MYT1L: variants seen among roughly 807,000 people sequenced by gnomAD.
MYT1L encodes the protein myelin transcription factor 1-like protein.
In MYT1L, 12 loss-of-function variants were observed where a neutral mutation model predicts 126.7. That is an observed-to-expected ratio of 0.09 (90% CI 0.06 to 0.15). The LOEUF is 0.15. Ranked by LOEUF, MYT1L falls within the 10% of genes least tolerant of loss-of-function variation. MYT1L has a pLI of 1.00. For missense variants in MYT1L, 979 were observed against 1,585.2 expected (o/e 0.62, Z 6.49); for synonymous variants, 541 against 604.2 (o/e 0.90, Z 1.53).
intron 4 of MYT1L, among the ~76,000 whole-genome samples, chr2:2,046,409 C>T (rs1322553883): frequency 6.6e-6 from 1 of 152,180 alleles, no homozygotes; most frequent in African/African-American, 2.4e-5. Context: ...TTTCACCAGT[C>T]TCCTATGGAT....
chr2:2,123,582 C>T (rs1017559183), intron 3 of MYT1L, among the ~76,000 whole-genome samples: 13 of 152,212 alleles, frequency 8.5e-5, no homozygotes, highest in African/African-American at 3.1e-4. Context: ...CTTCCTCCTG[C>T]TCTGGCCTTA....
intron 3 of MYT1L, among the ~76,000 whole-genome samples, chr2:2,137,811 A>ATGGTAACAAAAGCCACAAT (rs527504753): frequency 2.3e-3 from 349 of 152,322 alleles, no homozygotes; most frequent in African/African-American, 8.0e-3. Flanking sequence ...ACCAAAAGCA[A>ATGGTAACAAAAGCCACAAT]TGGTAACAAA....
intron 22 of MYT1L, among the ~76,000 whole-genome samples, chr2:1,804,896 T>C (rs1218857123): frequency 2.0e-5 from 3 of 152,102 alleles, no homozygotes; most frequent in Non-Finnish European, 4.4e-5. Context: ...TCTGCTGTGA[T>C]AGTAAAAGGA....
Position 1,914,728 on chromosome 2 carries a change from A to G in MYT1L, c.1618+2477T>C, listed in dbSNP as rs533829612. Among the ~76,000 whole-genome samples the G allele has an allele frequency of 2.6e-5, 4 of 152,208 alleles. No individual in the cohort carries two copies. In the East Asian group the frequency reaches 7.7e-4, roughly 29 times the overall value. ...GTTCACCGAGGCTATAATCCCTGGC[A>G]TCCTCTTGGTCTCCCCTCTTCTCTT... On this transcript the variant is annotated intron_variant, in intron 11 of 24. Transcript: ENST00000647738.
At chr2:1,825,663 A>G (rs2039207860) in intron 21 of MYT1L, 1 of 152,150 alleles carries the variant, frequency 6.6e-6, no homozygotes, top group Non-Finnish European at 1.5e-5. Flanking sequence ...GAATGATCCT[A>G]TTTGTTTGTA....
chr2:2,062,636 A>G (rs1294121048), intron 3 of MYT1L, among the ~76,000 whole-genome samples: 1 of 152,192 alleles, frequency 6.6e-6, no homozygotes, highest in Admixed American at 6.5e-5. Context: ...GAGATTTTTA[A>G]TGATTCCTCA....
At chr2:2,122,872 T>TGTGTGAGAGAGAGA (rs553951630) in intron 3 of MYT1L, among the ~76,000 whole-genome samples, 3 of 132,992 alleles carry the variant, frequency 2.3e-5, no homozygotes, top group African/African-American at 8.9e-5. Flanking sequence ...TGTGTGTGTG[T>TGTGTGAGAGAGAGA]GAGAGAGAGA....
At chr2:2,303,061 A>G (rs1244435357) in intron 1 of MYT1L, among the ~76,000 whole-genome samples, 3 of 152,190 alleles carry the variant, frequency 2.0e-5, no homozygotes, top group African/African-American at 7.2e-5. Context: ...TTCTAGGTTA[A>G]AAATGGGAAA....
At chr2:1,932,631 CAA>C (rs1011370565) in intron 9 of MYT1L, among the ~76,000 whole-genome samples, 18 of 152,218 alleles carry the variant, frequency 1.2e-4, no homozygotes, top group Middle Eastern at 3.4e-3. Context: ...GAAGCAAAAT[CAA>C]AAGACAACGG....
chr2:1,976,849 C>A (rs1371085917), intron 8 of MYT1L, among the ~76,000 whole-genome samples: 2 of 152,162 alleles, frequency 1.3e-5, no homozygotes, highest in African/African-American at 4.8e-5. Flanking sequence ...AGAAGGCTCA[C>A]ACAGTGACAA....
intron 3 of MYT1L, among the ~76,000 whole-genome samples, chr2:2,157,202 ATC>A (rs2086874537): frequency 6.6e-6 from 1 of 152,240 alleles, no homozygotes; most frequent in Non-Finnish European, 1.5e-5. Context: ...TTTAAGTTTT[ATC>A]TCAGCCTGTA....
chr2:2,121,421 C>T (rs757324747), intron 3 of MYT1L, among the ~76,000 whole-genome samples: 1 of 151,964 alleles, frequency 6.6e-6, no homozygotes, highest in African/African-American at 2.4e-5. Context: ...GTGATCCGCC[C>T]GCCTAGGCCA....
Position 1,792,022 on chromosome 2 carries a change from ATAG to A in MYT1L, c.3421-18_3421-16del, listed in dbSNP as rs1335548897. On this transcript the variant is annotated splice_polypyrimidine_tract_variant and intron_variant, in intron 24 of 24. Transcript: ENST00000647738. ...TTGATTGGATCCTACGAGATATTAAATAGTAGTTCATATACAACTTTTATTTTC... is the reference window on the plus strand; with the variant it reads ...TTGATTGGATCCTACGAGATATTAAATAGTTCATATACAACTTTTATTTTC... 2 of 1,538,768 alleles carry A rather than the reference ATAG, an allele frequency of 1.3e-6. No homozygotes were observed. Among genetic ancestry groups the A allele is most frequent in the Non-Finnish European group, 1.8e-6 (2 of 1,138,388 alleles).
At chr2:2,037,679 C>A (rs1343933376) in intron 4 of MYT1L, among the ~76,000 whole-genome samples, 3 of 151,540 alleles carry the variant, frequency 2.0e-5, no homozygotes, top group Admixed American at 6.6e-5. Flanking sequence ...TCACTTGAGC[C>A]CGGGAGGTGG....
intron 1 of MYT1L, among the ~76,000 whole-genome samples, chr2:2,306,683 G>T (rs968132858): frequency 5.3e-5 from 8 of 152,088 alleles, no homozygotes; most frequent in Non-Finnish European, 1.0e-4. Context: ...CAGGACAGAA[G>T]GTCCCTCAAA....
At chr2:2,209,009 C>CACAG (rs1257948476) in intron 2 of MYT1L, among the ~76,000 whole-genome samples, 120 of 152,094 alleles carry the variant, frequency 7.9e-4, no homozygotes, top group Middle Eastern at 3.4e-3. Flanking sequence ...TACACACACA[C>CACAG]ACACACACAC....
chr2:2,040,796 A>C (rs1172250897), intron 4 of MYT1L, among the ~76,000 whole-genome samples: 1 of 152,186 alleles, frequency 6.6e-6, no homozygotes, highest in East Asian at 1.9e-4. Context: ...AGTTTTATTA[A>C]GTGTATTTTT....
chr2:1,929,033 C>T lies in MYT1L; in HGVS notation c.506-5770G>A, dbSNP rs556901176. On this transcript the variant is annotated intron_variant, in intron 9 of 24. Transcript: ENST00000647738. This position sits in a 1 kb window ranked among gnomAD's most constrained non-coding sequence, Gnocchi z 4.7. ...CCCTGACTCTTATGCAGGCAGTGGTCGCATGTTTATGTGGAGCCCCTGGCT... is the reference window on the plus strand; with the variant it reads ...CCCTGACTCTTATGCAGGCAGTGGTTGCATGTTTATGTGGAGCCCCTGGCT... 3.3e-5 allele frequency among the ~76,000 whole-genome samples: 5 copies of T among 152,126 alleles called. No individual in the cohort carries two copies. Among genetic ancestry groups the T allele is most frequent in the South Asian group, 2.1e-4 (1 of 4,812 alleles).
intron 4 of MYT1L, among the ~76,000 whole-genome samples, chr2:2,022,282 C>T (rs1250282716): frequency 6.6e-6 from 1 of 152,176 alleles, no homozygotes; most frequent in African/African-American, 2.4e-5. Flanking sequence ...GTTAGGAGCA[C>T]ATGTCCCAGA....
Sources: gnomAD v4.1 joint callset for allele counts (sites outside exome capture counted in the v4.1 genomes callset) on GRCh38, gnomAD v4.1.1 for gene constraint, Gnocchi (gnomAD v3.1) non-coding constraint, MANE v1.5 for transcripts, NCBI Gene and HGNC (gene_info 2026-07-23, HGNC 2026-07-21) for gene names.